The following ITCH variants were observed in gnomAD, a reference collection of about 807,000 sequenced individuals.
The protein encoded by ITCH is E3 ubiquitin-protein ligase Itchy homolog.
Under a neutral mutation model 126.8 loss-of-function variants are expected in ITCH, and 28 were observed. The ratio of observed to expected loss-of-function variants is 0.22; its 90% CI spans 0.16 to 0.30. ITCH has a LOEUF of 0.30. ITCH is among the 10% of genes least tolerant of loss of function. The pLI is 1.00. For missense variants in ITCH, 631 were observed against 1,032.4 expected (o/e 0.61, Z 5.33); for synonymous variants, 342 against 340.0 (o/e 1.01, Z -0.06).
rs1404243367 is a variant in ITCH at position 34,434,535 on chromosome 20, T to C, written c.522-3939T>C. ...TGTTGGGCAGTCCTAGAGGATATAG[T>C]CTGCCATCCAGGACATGATAGGCAA... is the stretch of plus-strand genomic sequence containing the variant. On this transcript the variant is annotated intron_variant, in intron 7 of 24. Transcript: ENST00000374864. 2.6e-5 allele frequency among the ~76,000 whole-genome samples: 4 copies of C among 152,152 alleles called. No individual in the cohort carries two copies. In the East Asian group the frequency reaches 7.7e-4, roughly 29 times the overall value.
At chr20:34,502,247 G>T (rs1213888265) in intron 23 of ITCH, among the ~76,000 whole-genome samples, 4 of 152,068 alleles carry the variant, frequency 2.6e-5, no homozygotes, top group African/African-American at 4.8e-5. Context: ...GCTAGGTATG[G>T]TGGGCACACA....
At chr20:34,363,756 C>T (rs2037293011) in intron 1 of ITCH, among the ~76,000 whole-genome samples, 1 of 152,064 alleles carries the variant, frequency 6.6e-6, no homozygotes, top group South Asian at 2.1e-4. Context: ...CGACGTGGCC[C>T]TGTGAGGGGC....
intron 12 of ITCH, among the ~76,000 whole-genome samples, chr20:34,449,774 A>G (rs912323641): frequency 2.0e-5 from 3 of 152,190 alleles, no homozygotes; most frequent in Non-Finnish European, 4.4e-5. Context: ...TTGATACACC[A>G]GTAGGTCTGG....
At chr20:34,414,713 C>T (rs542251996) in intron 6 of ITCH, among the ~76,000 whole-genome samples, 3 of 152,018 alleles carry the variant, frequency 2.0e-5, no homozygotes, top group Non-Finnish European at 4.4e-5. Flanking sequence ...CTCTTGACCT[C>T]AGGTGATCCG....
At chr20:34,381,269 G>T (rs1192403423) in intron 2 of ITCH, among the ~76,000 whole-genome samples, 1 of 151,736 alleles carries the variant, frequency 6.6e-6, no homozygotes, top group Non-Finnish European at 1.5e-5. Flanking sequence ...ACGTGGTGGT[G>T]TGTGCCTGTT....
At chr20:34,487,428 C>T (rs1194476319) in intron 20 of ITCH, among the ~76,000 whole-genome samples, 1 of 152,104 alleles carries the variant, frequency 6.6e-6, no homozygotes, top group Non-Finnish European at 1.5e-5. Flanking sequence ...ATTTGTTTTG[C>T]TATTTGTCTC....
intron 2 of ITCH, among the ~76,000 whole-genome samples, chr20:34,391,828 G>A (rs867065563): frequency 6.6e-6 from 1 of 152,062 alleles, no homozygotes. Flanking sequence ...TCTACATGAA[G>A]TTAATTTTAG....
chr20:34,406,096 A>T (rs1288506492), intron 3 of ITCH, among the ~76,000 whole-genome samples: 1 of 151,410 alleles, frequency 6.6e-6, no homozygotes, highest in Non-Finnish European at 1.5e-5. Context: ...ATCACAGCTC[A>T]CTGCAGCCTT....
At chr20:34,384,190 T>C (rs1417169350) in intron 2 of ITCH, 1 of 101,956 alleles carries the variant, frequency 9.8e-6, no homozygotes, top group Non-Finnish European at 2.0e-5. Flanking sequence ...GCAGTGGGAG[T>C]GGAGAAGGAA....
chr20:34,458,794 A>G (rs1281241571), intron 13 of ITCH, among the ~76,000 whole-genome samples: 3 of 152,202 alleles, frequency 2.0e-5, no homozygotes, highest in Non-Finnish European at 1.5e-5. Context: ...TCAGTCCTAT[A>G]GGATTAGTGG....
rs748365649 is a variant in ITCH, at chr20:34,483,448, T to G, written c.2093+2242T>G. On this transcript the variant is annotated intron_variant, in intron 20 of 24. Coordinates refer to ENST00000374864, the MANE Select transcript of ITCH (RefSeq NM_031483.7). ...TCCACCAGATACCCTAAATCATCTCTCTCAAGTACAATCGTCTCTCTCAAG... is the reference window on the plus strand; with the variant it reads ...TCCACCAGATACCCTAAATCATCTCGCTCAAGTACAATCGTCTCTCTCAAG... 5.4e-4 allele frequency among the ~76,000 whole-genome samples: 82 copies of G among 152,192 alleles called. 3 individuals carry two copies. The highest frequency in any genetic ancestry group is 8.8e-5 in the Non-Finnish European group (6 of 68,042).
At chr20:34,381,172 G>A (rs1360080701) in intron 2 of ITCH, among the ~76,000 whole-genome samples, 1 of 152,084 alleles carries the variant, frequency 6.6e-6, no homozygotes, top group Non-Finnish European at 1.5e-5. Flanking sequence ...AAGCTGAGGC[G>A]AGAGGATCGC....
Position 34,462,284 on chromosome 20 carries a change from G to A in ITCH, c.1424+63G>A, listed in dbSNP as rs1986609535. The A allele has an allele frequency of 2.0e-6, 3 of 1,523,974 alleles. No individual in the cohort carries two copies. In the Admixed American group the frequency reaches 5.0e-5, roughly 26 times the overall value. The allele number at this position is 1,523,974 out of a possible 1,614,324, so 94.4% of individuals were successfully genotyped here. On this transcript the variant is annotated intron_variant, in intron 14 of 24. Transcript: ENST00000374864. ...CTAGTCCTTCAGATTTTGATATAAA[G>A]ATTTGTATTAGCAAGGAGTGGAAGT...
chr20:34,439,527 C>T (rs895706066), intron 8 of ITCH, among the ~76,000 whole-genome samples: 6 of 152,332 alleles, frequency 3.9e-5, no homozygotes, highest in East Asian at 1.9e-4. Flanking sequence ...CCTTCTGCCT[C>T]GGCCTCCCAA....
At chr20:34,415,505 G>A (rs146868871) in intron 6 of ITCH, among the ~76,000 whole-genome samples, 236 of 152,102 alleles carry the variant, frequency 1.6e-3, no homozygotes, top group Non-Finnish European at 2.2e-3. Flanking sequence ...TGCAGTGAGC[G>A]AAGATCACAC....
At chr20:34,451,636 T>C (rs575205572) in intron 12 of ITCH, among the ~76,000 whole-genome samples, 2 of 152,306 alleles carry the variant, frequency 1.3e-5, no homozygotes, top group East Asian at 3.9e-4. Flanking sequence ...ACCTGTCAGA[T>C]TGCATTCCCA....
chr20:34,502,948 G>T (rs959598637), intron 23 of ITCH, among the ~76,000 whole-genome samples: 17 of 152,132 alleles, frequency 1.1e-4, no homozygotes, highest in African/African-American at 4.1e-4. Context: ...GGAGGCGGAG[G>T]TTGCATTGAG....
At chr20:34,413,640 A>G (rs1396788804) in intron 5 of ITCH, 102 bp from the exon 6 acceptor site, 3 of 1,082,920 alleles carry the variant, frequency 2.8e-6, no homozygotes, top group Admixed American at 5.3e-5. Flanking sequence ...ATATAGTTAT[A>G]TTTTCTCGGA....
At chr20:34,452,254 T>G (rs1024213791) in intron 12 of ITCH, among the ~76,000 whole-genome samples, 1 of 152,218 alleles carries the variant, frequency 6.6e-6, no homozygotes, top group African/African-American at 2.4e-5. Flanking sequence ...AAGTTGGTCC[T>G]TGCCTTCTGT....
Sources: gnomAD v4.1 joint callset for allele counts (sites outside exome capture counted in the v4.1 genomes callset) on GRCh38, gnomAD v4.1.1 for gene constraint, MANE v1.5 for transcripts, NCBI Gene and HGNC (gene_info 2026-07-23, HGNC 2026-07-21) for gene names.